Variants in SHISA8 observed in about 807,000 individuals in gnomAD.
SHISA8 encodes the protein protein shisa-8.
In SHISA8, 21 loss-of-function variants were observed where a neutral mutation model predicts 21.1. The observed-to-expected ratio is 0.99, with a 90% CI of 0.71 to 1.43. SHISA8 has a LOEUF of 1.43. SHISA8 is among the 40% of genes most tolerant of loss of function. The pLI, the probability that SHISA8 is intolerant of heterozygous loss-of-function variation, is 0.00. For missense variants in SHISA8, 535 were observed against 599.1 expected, an observed-to-expected ratio of 0.89 and a Z score of 1.12; for synonymous variants, 300 against 291.4, an observed-to-expected ratio of 1.03 and a Z score of -0.30.
intron 1 of SHISA8, among the ~76,000 whole-genome samples, chr22:41,911,629 C>T (rs1190985411): frequency 6.6e-6 from 1 of 152,156 alleles, no homozygotes; most frequent in Non-Finnish European, 1.5e-5. Context: ...CAGGGACCTT[C>T]CCCAGGTGAG....
Position 41,910,383 on chromosome 22 carries a change from G to A in SHISA8, c.811+25C>T, listed in dbSNP as rs1451544983. The A allele has an allele frequency of 2.3e-6, 3 of 1,289,040 alleles. No individual in the cohort carries two copies. Among genetic ancestry groups the A allele is most frequent in the South Asian group, 4.7e-5 (2 of 42,594 alleles). The allele number at this position is 1,289,040 out of a possible 1,614,324, so 79.9% of individuals were successfully genotyped here. ...GGGAGCTCGTGCGCCCAGGTGCCCTGACGCTGCCCGCACCCGCCACTCACC... is the reference window on the plus strand; with the variant it reads ...GGGAGCTCGTGCGCCCAGGTGCCCTAACGCTGCCCGCACCCGCCACTCACC... On this transcript the variant is annotated intron_variant, in intron 3 of 3. Transcript: ENST00000621082. The surrounding 1 kb of genome is among the most constrained non-coding windows in gnomAD (Gnocchi z 6.8).
rs938737354 is a variant in SHISA8, at chr22:41,909,930, C to A, written c.1029G>T (p.Thr343=). Reference sequence around the variant, plus strand: ...GCCGGGGTACCTGGAAGGCCCGAGCCGTCGGGTGGCTGAGCGGGGCGGGCC... The same window carrying A: ...GCCGGGGTACCTGGAAGGCCCGAGCAGTCGGGTGGCTGAGCGGGGCGGGCC... ...PARPAPLSHP[T]ARAFQVPRRP... The change falls in exon 4 of 4, where the codon ACG becomes ACT. Residue 343 remains threonine, a synonymous_variant. Transcript: ENST00000621082. The A allele has an allele frequency of 3.9e-6, 6 of 1,519,740 alleles. No individual in the cohort carries two copies. The highest frequency in any genetic ancestry group is 8.8e-7 in the Non-Finnish European group (1 of 1,139,962). The allele number at this position is 1,519,740 out of a possible 1,614,324, so 94.1% of individuals were successfully genotyped here. A position where few individuals can be genotyped will look rare whatever the true frequency, so the allele number is the denominator to read the frequency against.
Position 41,909,902 on chromosome 22 carries a change from G to C in SHISA8, c.1057C>G (p.Pro353Ala). 1.3e-6 allele frequency: 2 copies of C among 1,527,962 alleles called. No homozygotes were observed. The highest frequency in any genetic ancestry group is 8.7e-7 in the Non-Finnish European group (1 of 1,143,564). 94.7% of individuals were successfully genotyped at this position (1,527,962 alleles called of 1,614,324 possible). Residue 353 changes from proline to alanine, a missense_variant, in exon 4 of 4, where the codon CCC (proline) becomes GCC (alanine). Transcript: ENST00000621082. ...TARAFQVPRRPGHAARRQFSV... is the reference protein window; with the variant it reads ...TARAFQVPRRAGHAARRQFSV... The stretch of plus-strand genomic sequence containing the variant: ...AACTGGCGCCGGGCCGCGTGCCCGG[G>C]TCGCCGGGGTACCTGGAAGGCCCGA...
Position 41,914,910 on chromosome 22 carries a change from A to G in SHISA8, c.-243T>C, listed in dbSNP as rs6002539. ...CCCGAGCTGCCCGGTCCGCGTCCTG[A>G]GATCTTCCCCGGGCCGGGCGGCGGG... On this transcript the variant is annotated 5_prime_UTR_variant, in exon 1 of 4. Coordinates refer to ENST00000621082, the MANE Select transcript of SHISA8 (RefSeq NM_001207020.3). The surrounding 1 kb of genome is among the most constrained non-coding windows in gnomAD (Gnocchi z 6.8). Among the ~76,000 whole-genome samples, 21,626 of 150,936 alleles carry G rather than the reference A, an allele frequency of 0.14. 2,385 individuals carry two copies. Among genetic ancestry groups the G allele is most frequent in the African/African-American group, 0.31 (12,818 of 41,230 alleles).
Position 41,910,703 on chromosome 22 carries a change from G to A in SHISA8, c.665-149C>T. On this transcript the variant is annotated intron_variant, in intron 2 of 3. Coordinates refer to ENST00000621082, the MANE Select transcript of SHISA8 (RefSeq NM_001207020.3). This position sits in a 1 kb window ranked among gnomAD's most constrained non-coding sequence, Gnocchi z 6.8. Reference sequence around the variant, plus strand: ...GAGGCTGCGAGCCAAGCCTGTCTTCGCCGCAGCCTCCAGCGCCTGGAACAG... The same window carrying A: ...GAGGCTGCGAGCCAAGCCTGTCTTCACCGCAGCCTCCAGCGCCTGGAACAG... 9.7e-7 allele frequency: 1 copy of A among 1,030,818 alleles called. No homozygotes were observed. The highest frequency in any genetic ancestry group is 1.2e-6 in the Non-Finnish European group (1 of 812,486). The allele number at this position is 1,030,818 out of a possible 1,614,324, so 63.9% of individuals were successfully genotyped here. A position where few individuals can be genotyped will look rare whatever the true frequency, so the allele number is the denominator to read the frequency against.
rs1402651228 is a variant in SHISA8, at chr22:41,914,404, G to A, written c.264C>T (p.Cys88=). The change falls in exon 1 of 4, where the codon TGC becomes TGT. Residue 88 remains cysteine, a synonymous_variant. Transcript: ENST00000621082. The surrounding 1 kb of genome is among the most constrained non-coding windows in gnomAD (Gnocchi z 6.8). ...CGTCGTGGCAGCAGAAGCGGTAGCC[G>A]CACGTGCCGCAGCAGAAGCTGTAGG... The part of the protein sequence containing the change: ...SGAYSFCCGT[C]GYRFCCHDGP... 1 of 1,334,172 alleles carries A rather than the reference G, an allele frequency of 7.5e-7. No homozygotes were observed. The highest frequency in any genetic ancestry group is 3.2e-5 in the East Asian group (1 of 31,620). The allele number at this position is 1,334,172 out of a possible 1,614,324, so 82.6% of individuals were successfully genotyped here.
At position 41,914,654 on chromosome 22, in the gene SHISA8, C is replaced by G; in HGVS notation, c.14G>C (p.Gly5Ala). Residue 5 changes from glycine (G) to alanine (A), a missense_variant, in exon 1 of 4, where the codon GGG (glycine) becomes GCG (alanine). Physicochemically the swap from Gly to Ala is moderately conservative, Grantham distance 60. Coordinates refer to ENST00000621082, the MANE Select transcript of SHISA8 (RefSeq NM_001207020.3). This position sits in a 1 kb window ranked among gnomAD's most constrained non-coding sequence, Gnocchi z 6.8. MARA[G>A]ARGLLGGRRP... Reference sequence around the variant, plus strand: ...GCGGCCGCCGAGCAGTCCCCGCGCCCCGGCCCGCGCCATCGGGCCCGCGCC... The same window carrying G: ...GCGGCCGCCGAGCAGTCCCCGCGCCGCGGCCCGCGCCATCGGGCCCGCGCC... 9.8e-7 allele frequency: 1 copy of G among 1,019,818 alleles called. No homozygotes were observed. The allele number at this position is 1,019,818 out of a possible 1,614,324, so 63.2% of individuals were successfully genotyped here. A position where few individuals can be genotyped will look rare whatever the true frequency, so the allele number is the denominator to read the frequency against.
In SHISA8 at chr22:41,910,860, G is replaced by A. The variant is rs960161497; in HGVS notation, c.665-306C>T. On this transcript the variant is annotated intron_variant, in intron 2 of 3. Transcript: ENST00000621082. The surrounding 1 kb of genome is among the most constrained non-coding windows in gnomAD (Gnocchi z 6.8). ...GGGACCTGCTCCCGCCGAGACGGGG[G>A]ATGTCTGAGGAACAGAACCCAGACG... Among the ~76,000 whole-genome samples the A allele has an allele frequency of 6.6e-6, 1 of 152,126 alleles. No homozygotes were observed. The highest frequency in any genetic ancestry group is 2.4e-5 in the African/African-American group (1 of 41,430).
chr22:41,911,814 T>G (rs536167349), intron 1 of SHISA8, among the ~76,000 whole-genome samples: 28 of 152,310 alleles, frequency 1.8e-4, no homozygotes, highest in African/African-American at 6.3e-4. Context: ...GGCGCAATCT[T>G]GGCTCACTGC....
In SHISA8 at chr22:41,910,430, C is replaced by A; in HGVS notation, c.789G>T (p.Lys263Asn). ...CACCTGCGGCCTTGAGCGCGGCGGCCTTGAACGTGGCGTACTTGGCGTAGT... is the reference window on the plus strand; with the variant it reads ...CACCTGCGGCCTTGAGCGCGGCGGCATTGAACGTGGCGTACTTGGCGTAGT... ...QPDYAKYATF[K>N]AAALKAAEAA... The change falls in exon 3 of 4, where the codon AAG becomes AAT. Residue 263 changes from lysine (K) to asparagine (N), a missense_variant. Coordinates refer to ENST00000621082, the MANE Select transcript of SHISA8 (RefSeq NM_001207020.3). The surrounding 1 kb of genome is among the most constrained non-coding windows in gnomAD (Gnocchi z 6.8). 7.3e-7 allele frequency: 1 copy of A among 1,361,704 alleles called. No homozygotes were observed. Among genetic ancestry groups the A allele is most frequent in the Non-Finnish European group, 9.5e-7 (1 of 1,057,704 alleles). The allele number at this position is 1,361,704 out of a possible 1,614,324, so 84.4% of individuals were successfully genotyped here.
rs1285881100 is a variant in SHISA8, at chr22:41,914,139, T to C, written c.529A>G (p.Arg177Gly). The change falls in exon 1 of 4, where the codon AGG becomes GGG. Residue 177 changes from arginine (R) to glycine (G), a missense_variant and splice_region_variant. Transcript: ENST00000621082. This position sits in a 1 kb window ranked among gnomAD's most constrained non-coding sequence, Gnocchi z 6.8. ...GGTCCCTGGGCGGCGCGTGCTCACCTGGTCACTGTGCGCCGCGCGCGCGGG... is the reference window on the plus strand; with the variant it reads ...GGTCCCTGGGCGGCGCGTGCTCACCCGGTCACTGTGCGCCGCGCGCGCGGG... ...HSPRARRTVT[R>G]ALTELLKQPG... 5 of 1,429,452 alleles carry C rather than the reference T, an allele frequency of 3.5e-6. No homozygotes were observed. The highest frequency in any genetic ancestry group is 4.5e-6 in the Non-Finnish European group (5 of 1,102,900). The allele number at this position is 1,429,452 out of a possible 1,614,324, so 88.5% of individuals were successfully genotyped here.
At chr22:41,913,989 TG>T (rs10708799) in intron 1 of SHISA8, 148 bp downstream of exon 1, 95,912 of 789,396 alleles carry the variant, frequency 0.12, 9,178 homozygotes, top group African/African-American at 0.43. Context: ...GATGAAGTGT[TG>T]GGGGGGCGGC....
rs2077571135 is a variant in SHISA8, at chr22:41,914,323, G to A, written c.345C>T (p.Val115=). 52 of 1,253,604 alleles carry A rather than the reference G, an allele frequency of 4.1e-5. No individual in the cohort carries two copies. Among genetic ancestry groups the A allele is most frequent in the East Asian group, 6.4e-5 (2 of 31,348 alleles). 77.7% of individuals were successfully genotyped at this position (1,253,604 alleles called of 1,614,324 possible). A position where few individuals can be genotyped will look rare whatever the true frequency, so the allele number is the denominator to read the frequency against. ...CGCGGGCGGGCGGCCGGCCTGTCTG[G>A]ACCCAGGCCGGCGTGTCGTAGTTGG... is the stretch of plus-strand genomic sequence containing the variant. ...RCSNYDTPAW[V]QTGRPPARAR... Residue 115 remains valine (V), a synonymous_variant, in exon 1 of 4, where the codon GTC becomes GTT. Coordinates refer to ENST00000621082, the MANE Select transcript of SHISA8 (RefSeq NM_001207020.3). This position sits in a 1 kb window ranked among gnomAD's most constrained non-coding sequence, Gnocchi z 6.8.
chr22:41,913,494 C>T (rs1232247006), intron 1 of SHISA8, among the ~76,000 whole-genome samples: 1 of 152,208 alleles, frequency 6.6e-6, no homozygotes, highest in African/African-American at 2.4e-5. Context: ...GTGCCCACTT[C>T]ACACCAAGCT....
In SHISA8 at chr22:41,910,509, C is replaced by A; in HGVS notation, c.710G>T (p.Gly237Val). The change falls in exon 3 of 4, where the codon GGG (glycine) becomes GTG (valine). Residue 237 changes from glycine to valine, a missense_variant. By Grantham distance (109) the Gly-to-Val change is moderately radical. Transcript: ENST00000621082. The surrounding 1 kb of genome is among the most constrained non-coding windows in gnomAD (Gnocchi z 6.8). ...CTGCAGCCGCGGGCCGCGCGGGGGC[C>A]CCGGGGCGGCCGACCCCCGGGGCGC... Reference protein sequence around the residue: ...NNAPRGSAAPGPPRGPRLQGG... With the variant: ...NNAPRGSAAPVPPRGPRLQGG... 8.0e-7 allele frequency: 1 copy of A among 1,254,200 alleles called. No homozygotes were observed. Among genetic ancestry groups the A allele is most frequent in the Non-Finnish European group, 9.9e-7 (1 of 1,005,980 alleles). 77.7% of individuals were successfully genotyped at this position (1,254,200 alleles called of 1,614,324 possible).
Position 41,914,383 on chromosome 22 carries a change from G to T in SHISA8, c.285C>A (p.His95Gln). The T allele has an allele frequency of 7.7e-7, 1 of 1,307,050 alleles. No homozygotes were observed. The highest frequency in any genetic ancestry group is 2.2e-5 in the South Asian group (1 of 46,250). 81.0% of individuals were successfully genotyped at this position (1,307,050 alleles called of 1,614,324 possible). A position where few individuals can be genotyped will look rare whatever the true frequency, so the allele number is the denominator to read the frequency against. ...TCTGGTCGAGGCGCCGCGGCCCGTC[G>T]TGGCAGCAGAAGCGGTAGCCGCACG... ...CGTCGYRFCC[H>Q]DGPRRLDQSR... is the part of the protein sequence containing the mutation. Residue 95 changes from histidine (H) to glutamine (Q), a missense_variant, in exon 1 of 4, where the codon CAC becomes CAA. Coordinates refer to ENST00000621082, the MANE Select transcript of SHISA8 (RefSeq NM_001207020.3). This position sits in a 1 kb window ranked among gnomAD's most constrained non-coding sequence, Gnocchi z 6.8.
In SHISA8 at chr22:41,910,073, G is replaced by T; in HGVS notation, c.886C>A (p.Pro296Thr). Residue 296 changes from proline (P) to threonine (T), a missense_variant, in exon 4 of 4, where the codon CCG becomes ACG. Coordinates refer to ENST00000621082, the MANE Select transcript of SHISA8 (RefSeq NM_001207020.3). This position sits in a 1 kb window ranked among gnomAD's most constrained non-coding sequence, Gnocchi z 6.8. ...PSPRQPPARA[P>T]RPSPDLPAPL... ...GCAGGCAAGTCCGGGGATGGTCGCG[G>T]AGCCCGCGCCGGGGGTTGCCGCGGG... The T allele has an allele frequency of 8.1e-7, 1 of 1,240,818 alleles. No homozygotes were observed. The highest frequency in any genetic ancestry group is 1.0e-6 in the Non-Finnish European group (1 of 995,658). The allele number at this position is 1,240,818 out of a possible 1,614,324, so 76.9% of individuals were successfully genotyped here. A position where few individuals can be genotyped will look rare whatever the true frequency, so the allele number is the denominator to read the frequency against.
rs2077578031 is a variant in SHISA8 at position 41,914,919 on chromosome 22, C to T, written c.-252G>A. ...CCCGGTCCGCGTCCTGAGATCTTCCCCGGGCCGGGCGGCGGGTCCTCGCCT... is the reference window on the plus strand; with the variant it reads ...CCCGGTCCGCGTCCTGAGATCTTCCTCGGGCCGGGCGGCGGGTCCTCGCCT... On this transcript the variant is annotated 5_prime_UTR_variant, in exon 1 of 4. Coordinates refer to ENST00000621082, the MANE Select transcript of SHISA8 (RefSeq NM_001207020.3). The surrounding 1 kb of genome is among the most constrained non-coding windows in gnomAD (Gnocchi z 6.8). Among the ~76,000 whole-genome samples the T allele has an allele frequency of 6.6e-6, 1 of 151,424 alleles. No homozygotes were observed. Among genetic ancestry groups the T allele is most frequent in the African/African-American group, 2.4e-5 (1 of 41,348 alleles).
rs1015379271 is a variant in SHISA8, at chr22:41,910,947, C to T, written c.664+269G>A. 6.6e-6 allele frequency among the ~76,000 whole-genome samples: 1 copy of T among 152,098 alleles called. No individual in the cohort carries two copies. Among genetic ancestry groups the T allele is most frequent in the Admixed American group, 6.5e-5 (1 of 15,286 alleles). On this transcript the variant is annotated intron_variant, in intron 2 of 3. Transcript: ENST00000621082. This position sits in a 1 kb window ranked among gnomAD's most constrained non-coding sequence, Gnocchi z 6.8. ...AGACCCAGGGGGAGGCTCTGGAGCC[C>T]GAGCCTCAGATCACAGCCCCGGCCA...
Sources: gnomAD v4.1 joint callset for allele counts (sites outside exome capture counted in the v4.1 genomes callset) on GRCh38, gnomAD v4.1.1 for gene constraint, Gnocchi (gnomAD v3.1) non-coding constraint, MANE v1.5 for transcripts, NCBI Gene and HGNC (gene_info 2026-07-23, HGNC 2026-07-21) for gene names.